The following SLC4A4 variants were observed in gnomAD, a reference collection of about 807,000 sequenced individuals.
SLC4A4 encodes electrogenic sodium bicarbonate cotransporter 1.
In SLC4A4, 27 loss-of-function variants were observed where a neutral mutation model predicts 111.5. The observed-to-expected ratio is 0.24, with a 90% CI of 0.18 to 0.33. The LOEUF (loss-of-function observed/expected upper bound fraction) is 0.33. SLC4A4 is among the 10% of genes least tolerant of loss of function. SLC4A4 has a pLI of 1.00. For synonymous variants in SLC4A4, 443 were observed against 463.4 expected (o/e 0.96, Z 0.57); for missense variants, 909 against 1,315.5 (o/e 0.69, Z 4.78).
At chr4:71,102,021 GA>G (rs1324834727) in intron 2 of SLC4A4, among the ~76,000 whole-genome samples, 10 of 150,230 alleles carry the variant, frequency 6.7e-5, no homozygotes, top group African/African-American at 2.2e-4. Flanking sequence ...TGAAAACTTT[GA>G]AAAAAAATTA....
intron 1 of SLC4A4, among the ~76,000 whole-genome samples, chr4:71,226,743 G>A (rs929849796): frequency 5.3e-5 from 8 of 152,006 alleles, no homozygotes; most frequent in Non-Finnish European, 1.2e-4. Flanking sequence ...CACATTCAGG[G>A]CCTTTAGACT....
At chr4:71,178,918 C>G (rs1482132730) in intron 2 of SLC4A4, among the ~76,000 whole-genome samples, 1 of 152,180 alleles carries the variant, frequency 6.6e-6, no homozygotes, top group East Asian at 1.9e-4. Flanking sequence ...GAATTTTAGA[C>G]CAATATCCCT....
chr4:71,280,673 G>A (rs897646741), intron 3 of SLC4A4, among the ~76,000 whole-genome samples: 2 of 152,096 alleles, frequency 1.3e-5, no homozygotes, highest in African/African-American at 4.8e-5. Flanking sequence ...TTTTGGTGAA[G>A]TCTAGTTTAT....
intron 6 of SLC4A4, among the ~76,000 whole-genome samples, chr4:71,376,848 G>A (rs1158524460): frequency 6.6e-6 from 1 of 151,594 alleles, no homozygotes; most frequent in Non-Finnish European, 1.5e-5. Flanking sequence ...TGTTGCCGAG[G>A]CTGGTCTCGA....
intron 3 of SLC4A4, among the ~76,000 whole-genome samples, chr4:71,303,308 T>G (rs1725415178): frequency 6.6e-6 from 1 of 152,248 alleles, no homozygotes; most frequent in South Asian, 2.1e-4. Flanking sequence ...TAATAAAATG[T>G]AGCCCAAATG....
intron 2 of SLC4A4, among the ~76,000 whole-genome samples, chr4:71,131,479 C>CT (rs1211152608): frequency 6.6e-6 from 1 of 152,148 alleles, no homozygotes; most frequent in African/African-American, 2.4e-5. Flanking sequence ...ATCACGACAC[C>CT]TGCCAACATT....
chr4:71,417,598 C>A (rs1243768241), intron 7 of SLC4A4, among the ~76,000 whole-genome samples: 1 of 152,126 alleles, frequency 6.6e-6, no homozygotes, highest in Non-Finnish European at 1.5e-5. Context: ...TTCTTTAAAT[C>A]TTTTTTAAAG....
intron 2 of SLC4A4, among the ~76,000 whole-genome samples, chr4:71,136,483 G>A (rs1171880053): frequency 6.6e-6 from 1 of 152,194 alleles, no homozygotes; most frequent in Non-Finnish European, 1.5e-5. Context: ...TTAACCCCAT[G>A]TGGTGATGTA....
At chr4:71,510,214 C>A (rs1215618056) in intron 16 of SLC4A4, among the ~76,000 whole-genome samples, 6 of 152,154 alleles carry the variant, frequency 3.9e-5, no homozygotes, top group Non-Finnish European at 7.3e-5. Flanking sequence ...TTCCTTGATT[C>A]TGAGCCAATC....
At chr4:71,313,484 A>G (rs1726386732) in intron 3 of SLC4A4, among the ~76,000 whole-genome samples, 1 of 152,218 alleles carries the variant, frequency 6.6e-6, no homozygotes, top group Admixed American at 6.5e-5. Context: ...TCCCAAGCAA[A>G]AAGAACAAAG....
At chr4:71,555,576 C>T (rs542964874) in intron 21 of SLC4A4, among the ~76,000 whole-genome samples, 2 of 151,946 alleles carry the variant, frequency 1.3e-5, no homozygotes, top group Non-Finnish European at 1.5e-5. Flanking sequence ...ATCCATTTGC[C>T]TTAACTCTAT....
At position 71,547,728 on chromosome 4, in the gene SLC4A4, T is replaced by A. The variant is rs745564733; in HGVS notation, c.2694+8T>A. The A allele has an allele frequency of 6.2e-7, 1 of 1,603,466 alleles. No individual in the cohort carries two copies. The highest frequency in any genetic ancestry group is 1.1e-5 in the South Asian group (1 of 90,870). On this transcript the variant is annotated splice_region_variant and intron_variant, in intron 20 of 25. Coordinates refer to ENST00000264485, the MANE Select transcript of SLC4A4 (RefSeq NM_001098484.3). ...ATGGCTCCCATCTTGAAGGTAAATA[T>A]GTGAAACATTCACCTCTTCCTTCTC...
intron 3 of SLC4A4, among the ~76,000 whole-genome samples, chr4:71,276,386 A>G (rs1304075573): frequency 6.6e-6 from 1 of 152,194 alleles, no homozygotes; most frequent in East Asian, 1.9e-4. Flanking sequence ...TACTACCACA[A>G]TCAAGACACA....
chr4:71,333,888 C>T (rs1368702292), intron 3 of SLC4A4, among the ~76,000 whole-genome samples: 1 of 152,088 alleles, frequency 6.6e-6, no homozygotes, highest in African/African-American at 2.4e-5. Flanking sequence ...TGCTGCCAGG[C>T]CTGGGTTTCT....
At chr4:71,518,567 G>T (rs2149188116) in intron 16 of SLC4A4, among the ~76,000 whole-genome samples, 1 of 152,286 alleles carries the variant, frequency 6.6e-6, no homozygotes, top group South Asian at 2.1e-4. Flanking sequence ...ATGTGATGCT[G>T]GACAGGCCTG....
intron 2 of SLC4A4, among the ~76,000 whole-genome samples, chr4:71,161,800 G>T (rs1044632105): frequency 6.6e-6 from 1 of 152,140 alleles, no homozygotes; most frequent in Non-Finnish European, 1.5e-5. Context: ...GACCTTTTAA[G>T]AGATGAAAGA....
chr4:71,247,119 A>T (rs1187693274), intron 2 of SLC4A4, among the ~76,000 whole-genome samples: 1 of 151,552 alleles, frequency 6.6e-6, no homozygotes, highest in African/African-American at 2.4e-5. Context: ...TCTACATCTC[A>T]TTTACCTACA....
intron 2 of SLC4A4, among the ~76,000 whole-genome samples, chr4:71,147,311 C>T (rs1744202659): frequency 6.6e-6 from 1 of 151,848 alleles, no homozygotes; most frequent in African/African-American, 2.4e-5. Context: ...TTATGTTTGC[C>T]TTTTCTCTCT....
At chr4:71,261,326 G>A (rs943970070) in intron 3 of SLC4A4, among the ~76,000 whole-genome samples, 2 of 152,152 alleles carry the variant, frequency 1.3e-5, no homozygotes, top group African/African-American at 4.8e-5. Context: ...GTAATTCCCC[G>A]TTCTGGATGC....
Sources: gnomAD v4.1 joint callset for allele counts (sites outside exome capture counted in the v4.1 genomes callset) on GRCh38, gnomAD v4.1.1 for gene constraint, MANE v1.5 for transcripts, NCBI Gene and HGNC (gene_info 2026-07-23, HGNC 2026-07-21) for gene names.